The following DCTN1 variants were observed in gnomAD, a reference collection of about 807,000 sequenced individuals.
The protein encoded by DCTN1 is 150 kDa dynein-associated polypeptide.
In DCTN1, 61 loss-of-function variants were observed where a neutral mutation model predicts 161.2. The ratio of observed to expected loss-of-function variants is 0.38; its 90% CI spans 0.31 to 0.47. The LOEUF (loss-of-function observed/expected upper bound fraction) is 0.47, where lower values mean the gene tolerates loss of function less well. DCTN1 is among the 20% of genes least tolerant of loss of function. The probability of loss-of-function intolerance (pLI) is 0.99; values close to 1 mark genes in which losing one functional copy is unlikely to be tolerated. For missense variants in DCTN1, 1,404 were observed against 1,623.7 expected, an observed-to-expected ratio of 0.86 and a Z score of 2.33; for synonymous variants, 653 against 632.4, an observed-to-expected ratio of 1.03 and a Z score of -0.49.
At chr2:74,368,696 T>G (rs1342571464) in intron 16 of DCTN1, 32 bp downstream of exon 16, 1 of 1,614,236 alleles carries the variant, frequency 6.2e-7, no homozygotes, top group South Asian at 1.1e-5. Context: ...GTTCACTAGA[T>G]TTCTGTGGAA....
Position 74,369,262 on chromosome 2 carries a change from G to A in DCTN1, c.1584+38C>T. 1 of 1,614,104 alleles carries A rather than the reference G, an allele frequency of 6.2e-7. No individual in the cohort carries two copies. The highest frequency in any genetic ancestry group is 8.5e-7 in the Non-Finnish European group (1 of 1,179,960). On this transcript the variant is annotated intron_variant, in intron 14 of 31. Transcript: ENST00000628224. This position sits in a 1 kb window ranked among gnomAD's most constrained non-coding sequence, Gnocchi z 4.9. ...ACAGCTGGGTCATAAGGAAGCCCTG[G>A]GGTGATGGTGGGCAGAGAGCAAACA...
Position 74,363,638 on chromosome 2 carries a change from G to A in DCTN1, c.3197-10C>T. 6.2e-7 allele frequency: 1 copy of A among 1,613,676 alleles called. No homozygotes were observed. The highest frequency in any genetic ancestry group is 8.5e-7 in the Non-Finnish European group (1 of 1,179,828). ...CCTCGCTGCTGTTCTTCTGTGCTCG[G>A]GATAGCCCATGGGGGAGCAGGAAAA... On this transcript the variant is annotated splice_polypyrimidine_tract_variant and intron_variant, in intron 26 of 31. Coordinates refer to ENST00000628224, the MANE Select transcript of DCTN1 (RefSeq NM_004082.5).
In DCTN1 at chr2:74,365,985, G is replaced by T. The variant is rs373818927; in HGVS notation, c.2794C>A (p.Arg932Ser). The T allele has an allele frequency of 2.5e-6, 4 of 1,614,226 alleles. No individual in the cohort carries two copies. In the South Asian group the frequency reaches 4.4e-5, roughly 18 times the overall value. Residue 932 changes from arginine to serine, a missense_variant, in exon 24 of 32, where the codon CGT becomes AGT. Arg to Ser is a moderately radical substitution (Grantham distance 110). Coordinates refer to ENST00000628224, the MANE Select transcript of DCTN1 (RefSeq NM_004082.5). ...PPVELRAAAL[R>S]AEITDAEGLG... ...CCTTCAGCATCTGTGATCTCTGCAC[G>T]AAGGGCAGCAGCCCGCAGTTCAACC...
chr2:74,378,308 A>G (rs1023579073), intron 1 of DCTN1, 63 bp from the exon 2 acceptor site: 5 of 1,586,048 alleles, frequency 3.2e-6, no homozygotes, highest in East Asian at 2.2e-5. Context: ...ATTCTTATGT[A>G]TAAGAAATGC....
chr2:74,388,218 ACTGGCCTC>A (rs1456227303), intron 1 of DCTN1, among the ~76,000 whole-genome samples: 2 of 151,402 alleles, frequency 1.3e-5, no homozygotes, highest in African/African-American at 4.9e-5. Context: ...AAAACAAAAA[ACTGGCCTC>A]AAACTGGCAC....
chr2:74,364,369 G>C (rs887311509), intron 26 of DCTN1: 1 of 159,536 alleles, frequency 6.3e-6, no homozygotes, highest in Non-Finnish European at 1.4e-5. Context: ...AGGCCCTAAG[G>C]GTTTAATTCC....
intron 25 of DCTN1, 105 bp downstream of exon 25, chr2:74,365,410 G>C: frequency 6.3e-7 from 1 of 1,577,062 alleles, no homozygotes. Flanking sequence ...AAGAAAATGG[G>C]GAGTCTCACT....
upstream of DCTN1, among the ~76,000 whole-genome samples, chr2:74,382,876 T>A (rs577323804): frequency 2.6e-4 from 39 of 151,212 alleles, no homozygotes; most frequent in Admixed American, 2.0e-3. Flanking sequence ...ATCGAGACCA[T>A]CCTGGCTAAC....
intron 16 of DCTN1, 89 bp downstream of exon 16, chr2:74,368,639 G>C: frequency 1.3e-6 from 2 of 1,575,354 alleles, no homozygotes; most frequent in Non-Finnish European, 1.7e-6. Flanking sequence ...TGTGGGCAGA[G>C]ACTCTGTTGT....
At chr2:74,368,915 G>C in intron 15 of DCTN1, 35 bp from the exon 16 acceptor site, 2 of 1,612,856 alleles carry the variant, frequency 1.2e-6, no homozygotes, top group African/African-American at 1.3e-5. Flanking sequence ...CTCTTAGCCA[G>C]AGCTGAAAGA....
Position 74,366,285 on chromosome 2 carries a change from T to G in DCTN1, c.2719A>C (p.Met907Leu). 1 of 1,614,234 alleles carries G rather than the reference T, an allele frequency of 6.2e-7. No individual in the cohort carries two copies. The highest frequency in any genetic ancestry group is 1.7e-5 in the Admixed American group (1 of 60,032). The stretch of plus-strand genomic sequence containing the variant: ...TCTGCATCATACTCCCCCTCCTGCA[T>G]GGCTGTGGCCAGCTTGTTCATGGTA... ...ISTMNKLATA[M>L]QEGEYDAERP... The change falls in exon 23 of 32, where the codon ATG (methionine) becomes CTG (leucine). Residue 907 changes from methionine (M) to leucine (L), a missense_variant. Met to Leu is a conservative substitution (Grantham distance 15, BLOSUM62 2). Coordinates refer to ENST00000628224, the MANE Select transcript of DCTN1 (RefSeq NM_004082.5).
At chr2:74,374,233 G>T (rs538466448) in intron 6 of DCTN1, 90 bp downstream of exon 6, 3 of 1,402,188 alleles carry the variant, frequency 2.1e-6, no homozygotes, top group East Asian at 4.6e-5. Context: ...GTAGACAGAT[G>T]AAGTCAATCA....
At chr2:74,361,962 A>T in intron 31 of DCTN1, 90 bp downstream of exon 31, 2 of 1,385,716 alleles carry the variant, frequency 1.4e-6, no homozygotes, top group Non-Finnish European at 2.0e-6. Context: ...TAGACCTGAG[A>T]CTCCAAAGGC....
intron 26 of DCTN1, 126 bp from the exon 27 acceptor site, chr2:74,363,754 T>G (rs1674200404): frequency 7.9e-7 from 1 of 1,259,172 alleles, no homozygotes; most frequent in African/African-American, 1.5e-5. Flanking sequence ...TTCCTAATCA[T>G]CATACTTTCT....
At chr2:74,371,404 C>A in intron 8 of DCTN1, 133 bp downstream of exon 8, 1 of 1,246,604 alleles carries the variant, frequency 8.0e-7, no homozygotes. Flanking sequence ...GCAAGATATC[C>A]ATAGGCTATG....
At chr2:74,391,849 A>AGACCCTGCGGGGAG (rs1448939487) in exon 1 of DCTN1, 4 of 453,580 alleles carry the variant, frequency 8.8e-6, no homozygotes, top group Non-Finnish European at 1.8e-5. Flanking sequence ...CCGACGCCCA[A>AGACCCTGCGGGGAG]GACCCTGCGG....
Position 74,362,653 on chromosome 2 carries a change from G to A in DCTN1, c.3606C>T (p.Leu1202=). The A allele has an allele frequency of 6.2e-7, 1 of 1,613,654 alleles. No individual in the cohort carries two copies. Among genetic ancestry groups the A allele is most frequent in the South Asian group, 1.1e-5 (1 of 90,972 alleles). ...CTGCCTGGCAAACTGAGCTGACCTT[G>A]AGCTTCTCGACGGTGTCACTCAGGG... ...LKSLSDTVEK[L]KDEVLKETVS... Residue 1202 remains leucine, a synonymous_variant, in exon 30 of 32, where the codon CTC becomes CTT. Coordinates refer to ENST00000628224, the MANE Select transcript of DCTN1 (RefSeq NM_004082.5).
rs1673960684 is a variant in DCTN1 at position 74,361,263 on chromosome 2, C to T, written c.*236G>A. 1 of 676,274 alleles carries T rather than the reference C, an allele frequency of 1.5e-6. No individual in the cohort carries two copies. Among genetic ancestry groups the T allele is most frequent in the African/African-American group, 1.8e-5 (1 of 56,614 alleles). The allele number at this position is 676,274 out of a possible 1,614,324, so 41.9% of individuals were successfully genotyped here. A position where few individuals can be genotyped will look rare whatever the true frequency, so the allele number is the denominator to read the frequency against. On this transcript the variant is annotated 3_prime_UTR_variant, in exon 32 of 32. Coordinates refer to ENST00000628224, the MANE Select transcript of DCTN1 (RefSeq NM_004082.5). ...CCTACCCCCCACAAGCCCTGAGGCC[C>T]CTCAGGAAGGAGGGAGCAGTTGAAC...
intron 19 of DCTN1, 47 bp from the exon 20 acceptor site, chr2:74,367,154 T>C: frequency 1.2e-6 from 2 of 1,607,962 alleles, no homozygotes; most frequent in South Asian, 1.1e-5. Context: ...CAGGAGCCCT[T>C]CTGCCTTATC....
Sources: gnomAD v4.1 joint callset for allele counts (sites outside exome capture counted in the v4.1 genomes callset) on GRCh38, gnomAD v4.1.1 for gene constraint, Gnocchi (gnomAD v3.1) non-coding constraint, MANE v1.5 for transcripts, NCBI Gene and HGNC (gene_info 2026-07-23, HGNC 2026-07-21) for gene names.